Variants in TRERF1 observed in about 807,000 individuals in gnomAD.
TRERF1 encodes the protein transcriptional-regulating factor 1.
In TRERF1, 27 loss-of-function variants were observed where a neutral mutation model predicts 122.9. The ratio of observed to expected loss-of-function variants is 0.22; its 90% CI spans 0.16 to 0.30. TRERF1 has a LOEUF of 0.30. TRERF1 is among the 10% of genes least tolerant of loss of function. The probability of loss-of-function intolerance (pLI) is 1.00; values close to 1 mark genes in which losing one functional copy is unlikely to be tolerated. For missense variants in TRERF1, 1,248 were observed against 1,560.3 expected, an observed-to-expected ratio of 0.80 and a Z score of 3.37; for synonymous variants, 636 against 641.7, an observed-to-expected ratio of 0.99 and a Z score of 0.13.
intron 2 of TRERF1, among the ~76,000 whole-genome samples, chr6:42,386,328 C>G (rs1776807693): frequency 6.6e-6 from 1 of 152,110 alleles, no homozygotes; most frequent in Admixed American, 6.5e-5. Context: ...CCTGTAGTCC[C>G]AGCTACTCAG....
intron 2 of TRERF1, among the ~76,000 whole-genome samples, chr6:42,373,123 A>C (rs1774080610): frequency 6.6e-6 from 1 of 152,254 alleles, no homozygotes; most frequent in Non-Finnish European, 1.5e-5. Context: ...TTCTTGCTAC[A>C]GTCAAAATAC....
At chr6:42,320,789 C>A (rs187195908) in intron 3 of TRERF1, among the ~76,000 whole-genome samples, 2 of 152,140 alleles carry the variant, frequency 1.3e-5, no homozygotes, top group African/African-American at 4.8e-5. Context: ...GAATTACATG[C>A]GTAAGCCACC....
chr6:42,299,584 T>C (rs973904858), intron 4 of TRERF1, among the ~76,000 whole-genome samples: 2 of 152,184 alleles, frequency 1.3e-5, no homozygotes, highest in African/African-American at 4.8e-5. Flanking sequence ...GAACATATTA[T>C]AGATGATTTG....
rs1782911710 is a variant in TRERF1, at chr6:42,284,902, G to A, written c.-258-15054C>T. ...CCTCAGGCAGAGCGCTGGGGTCCCT[G>A]TGGTGCTCAGAGCCAAGCTGTCATG... On this transcript the variant is annotated intron_variant, in intron 4 of 17. Coordinates refer to ENST00000372922, the Ensembl canonical transcript of TRERF1. Among the ~76,000 whole-genome samples, 8 of 152,228 alleles carry A rather than the reference G, an allele frequency of 5.3e-5. No individual in the cohort carries two copies. The South Asian group carries it at 1.7e-3, about 31-fold the overall frequency.
rs547024570 is a variant in TRERF1 at position 42,408,256 on chromosome 6, CAT to C, written c.-454+42919_-454+42920del. ...GTGTGTGTATGTATATATACATACA[CAT>C]GTGTGTGTATGTATATATACATACA... On this transcript the variant is annotated intron_variant, in intron 2 of 17. Coordinates refer to ENST00000372922, the Ensembl canonical transcript of TRERF1. Among the ~76,000 whole-genome samples, 435 of 81,640 alleles carry C rather than the reference CAT, an allele frequency of 5.3e-3. 6 individuals carry two copies. The highest frequency in any genetic ancestry group is 6.2e-3 in the Non-Finnish European group (262 of 42,568). 53.6% of individuals were successfully genotyped at this position (81,640 alleles called of 152,430 possible).
chr6:42,249,301 A>G (rs1775336434), intron 13 of TRERF1, among the ~76,000 whole-genome samples: 1 of 152,210 alleles, frequency 6.6e-6, no homozygotes, highest in Admixed American at 6.5e-5. Context: ...AGACACTAAC[A>G]GGGCCATCCA....
chr6:42,429,473 G>T (rs1052989754), intron 2 of TRERF1, among the ~76,000 whole-genome samples: 7 of 152,166 alleles, frequency 4.6e-5, no homozygotes, highest in Non-Finnish European at 2.9e-5. Context: ...CACTTTCTCC[G>T]GGGCCTTAGC....
rs1779908127 is a variant in TRERF1, at chr6:42,269,945, T to C, written c.-258-97A>G. On this transcript the variant is annotated intron_variant, in intron 4 of 17. Coordinates refer to ENST00000372922, the Ensembl canonical transcript of TRERF1. The surrounding 1 kb of genome is among the most constrained non-coding windows in gnomAD (Gnocchi z 4.9). The stretch of plus-strand genomic sequence containing the variant: ...ATGACCAGTGATAAAAATAAACATA[T>C]AATCCCAGCTACCTGGGAGGCTGAG... The C allele has an allele frequency of 9.4e-6, 2 of 213,086 alleles. No individual in the cohort carries two copies. The highest frequency in any genetic ancestry group is 2.2e-4 in the South Asian group (2 of 8,944). The allele number at this position is 213,086 out of a possible 1,614,324, so 13.2% of individuals were successfully genotyped here. A position where few individuals can be genotyped will look rare whatever the true frequency, so the allele number is the denominator to read the frequency against.
intron 3 of TRERF1, among the ~76,000 whole-genome samples, chr6:42,334,097 G>A (rs1024117550): frequency 1.3e-5 from 2 of 152,038 alleles, no homozygotes; most frequent in Non-Finnish European, 2.9e-5. Flanking sequence ...ATATATGTGT[G>A]TGTGTGTTTT....
chr6:42,344,543 T>C (rs1295719741), intron 3 of TRERF1, among the ~76,000 whole-genome samples: 1 of 152,168 alleles, frequency 6.6e-6, no homozygotes, highest in African/African-American at 2.4e-5. Context: ...TCATTACTGT[T>C]AACAACTAAC....
At chr6:42,351,566 G>T (rs1264877521) in intron 3 of TRERF1, among the ~76,000 whole-genome samples, 1 of 152,240 alleles carries the variant, frequency 6.6e-6, no homozygotes, top group Admixed American at 6.5e-5. Flanking sequence ...TATAGATCAT[G>T]TGCTTTATAA....
At chr6:42,294,324 G>A (rs1444496726) in intron 4 of TRERF1, among the ~76,000 whole-genome samples, 5 of 151,624 alleles carry the variant, frequency 3.3e-5, no homozygotes, top group East Asian at 1.9e-4. Context: ...GATTACAGGC[G>A]TGCGCCACCA....
At chr6:42,417,989 G>T (rs1582109605) in intron 2 of TRERF1, among the ~76,000 whole-genome samples, 1 of 152,038 alleles carries the variant, frequency 6.6e-6, no homozygotes, top group African/African-American at 2.4e-5. Flanking sequence ...ACAGCACTAG[G>T]GTTTAAATCT....
chr6:42,254,819 G>A, intron 13 of TRERF1, 32 bp downstream of exon 13: 1 of 1,604,842 alleles, frequency 6.2e-7, no homozygotes, highest in Non-Finnish European at 8.5e-7. Context: ...GTCGTCAGGA[G>A]GCAACAGGAC....
intron 3 of TRERF1, among the ~76,000 whole-genome samples, chr6:42,341,870 G>A (rs1767358482): frequency 6.6e-6 from 1 of 152,280 alleles, no homozygotes; most frequent in Admixed American, 6.5e-5. Flanking sequence ...AAGAAGGATG[G>A]CATAATGAAT....
intron 2 of TRERF1, among the ~76,000 whole-genome samples, chr6:42,448,189 T>C (rs953856561): frequency 6.6e-6 from 1 of 151,362 alleles, no homozygotes; most frequent in Non-Finnish European, 1.5e-5. Context: ...AAAGCCACAC[T>C]GGGCTTTCTG....
At chr6:42,255,878 C>T (rs905407417) in intron 12 of TRERF1, among the ~76,000 whole-genome samples, 24 of 151,928 alleles carry the variant, frequency 1.6e-4, no homozygotes, top group African/African-American at 5.6e-4. Flanking sequence ...TGCCTGTAAT[C>T]CCAGCACTTT....
At chr6:42,332,618 A>G (rs537204726) in intron 3 of TRERF1, among the ~76,000 whole-genome samples, 1 of 152,288 alleles carries the variant, frequency 6.6e-6, no homozygotes, top group East Asian at 1.9e-4. Context: ...CTTTTCTATA[A>G]TAGGACCTCT....
At chr6:42,261,047 G>A (rs1483616567) in intron 8 of TRERF1, among the ~76,000 whole-genome samples, 1 of 142,686 alleles carries the variant, frequency 7.0e-6, no homozygotes, top group Non-Finnish European at 1.5e-5. Flanking sequence ...CTATCCCCGC[G>A]CCTCACCCCC....
Sources: gnomAD v4.1 joint callset for allele counts (sites outside exome capture counted in the v4.1 genomes callset) on GRCh38, gnomAD v4.1.1 for gene constraint, Gnocchi (gnomAD v3.1) non-coding constraint, MANE v1.5 for transcripts, NCBI Gene and HGNC (gene_info 2026-07-23, HGNC 2026-07-21) for gene names.